SH3D19: variants seen among roughly 807,000 people sequenced by gnomAD.
SH3D19 encodes the protein SH3 domain containing 19.
Under a neutral mutation model 112.1 loss-of-function variants are expected in SH3D19, and 58 were observed. The observed-to-expected ratio is 0.52, with a 90% CI of 0.42 to 0.64. The LOEUF (loss-of-function observed/expected upper bound fraction) is 0.64. SH3D19 is among the 30% of genes least tolerant of loss of function. SH3D19 has a pLI of 0.00. For synonymous variants in SH3D19, 391 were observed against 448.5 expected (o/e 0.87, Z 1.62); for missense variants, 1,090 against 1,263.4 (o/e 0.86, Z 2.08).
At chr4:151,130,754 A>G (rs1306496532) in intron 17 of SH3D19, among the ~76,000 whole-genome samples, 1 of 152,210 alleles carries the variant, frequency 6.6e-6, no homozygotes, top group Non-Finnish European at 1.5e-5. Flanking sequence ...AGCCTGGCCA[A>G]GACGGTAAAA....
At chr4:151,212,025 C>A (rs746118541) in intron 2 of SH3D19, among the ~76,000 whole-genome samples, 5 of 152,228 alleles carry the variant, frequency 3.3e-5, no homozygotes, top group Non-Finnish European at 4.4e-5. Flanking sequence ...AAGGTGCCAT[C>A]TAGGACTTTC....
At chr4:151,261,701 T>G (rs1330409652) in intron 1 of SH3D19, among the ~76,000 whole-genome samples, 1 of 152,256 alleles carries the variant, frequency 6.6e-6, no homozygotes, top group Non-Finnish European at 1.5e-5. Context: ...ATATTTCTTC[T>G]GCTATAATCT....
Position 151,229,035 on chromosome 4 carries a change from AT to A in SH3D19, c.113-2950del, listed in dbSNP as rs34078148. On this transcript the variant is annotated intron_variant, in intron 1 of 19. Coordinates refer to ENST00000604030, the MANE Select transcript of SH3D19 (RefSeq NM_001378122.1). ...CATGCCACCACGCCTAGCTAATTAAATTTTTTTTTTTTTTTTTGTAGAGACA... is the reference window on the plus strand; with the variant it reads ...CATGCCACCACGCCTAGCTAATTAAATTTTTTTTTTTTTTTTGTAGAGACA... Among the ~76,000 whole-genome samples, 1,356 of 136,766 alleles carry A rather than the reference AT, an allele frequency of 9.9e-3. 11 individuals carry two copies. The highest frequency in any genetic ancestry group is 0.033 in the African/African-American group (1,235 of 36,988). 89.7% of individuals were successfully genotyped at this position (136,766 alleles called of 152,430 possible).
At chr4:151,197,766 A>G (rs1235630388) in intron 2 of SH3D19, among the ~76,000 whole-genome samples, 1 of 152,164 alleles carries the variant, frequency 6.6e-6, no homozygotes, top group Non-Finnish European at 1.5e-5. Flanking sequence ...ATAAGGGATA[A>G]TAGTGGTCAT....
At chr4:151,150,597 A>G (rs1318611373) in intron 9 of SH3D19, among the ~76,000 whole-genome samples, 1 of 151,986 alleles carries the variant, frequency 6.6e-6, no homozygotes, top group Non-Finnish European at 1.5e-5. Flanking sequence ...AGGTCCAAGA[A>G]AGCAGTGTGC....
At chr4:151,264,575 CAG>C (rs891910872) in intron 1 of SH3D19, among the ~76,000 whole-genome samples, 3 of 151,772 alleles carry the variant, frequency 2.0e-5, no homozygotes, top group African/African-American at 7.3e-5. Flanking sequence ...TCTTCACAAA[CAG>C]AGAGTACAGG....
At chr4:151,148,952 C>T (rs967043025) in intron 10 of SH3D19, among the ~76,000 whole-genome samples, 1 of 152,014 alleles carries the variant, frequency 6.6e-6, no homozygotes, top group Admixed American at 6.6e-5. Flanking sequence ...GCAGGAGAAT[C>T]GCTTGAACCC....
chr4:151,148,189 G>C lies in SH3D19; in HGVS notation c.1818-3C>G. The C allele has an allele frequency of 6.3e-7, 1 of 1,595,354 alleles. No homozygotes were observed. Among genetic ancestry groups the C allele is most frequent in the Non-Finnish European group, 8.5e-7 (1 of 1,173,284 alleles). On this transcript the variant is annotated splice_polypyrimidine_tract_variant and splice_region_variant and intron_variant, in intron 10 of 19. Coordinates refer to ENST00000604030, the MANE Select transcript of SH3D19 (RefSeq NM_001378122.1). ...GAATGGTTTTTCCATTCACAGGTCT[G>C]AAAGTCAATGTAGTAGCCATGAGTC...
intron 1 of SH3D19, among the ~76,000 whole-genome samples, chr4:151,272,102 G>C (rs975977778): frequency 6.6e-6 from 1 of 152,166 alleles, no homozygotes; most frequent in African/African-American, 2.4e-5. Flanking sequence ...CAGTGAAGCA[G>C]TAAAATGGCA....
chr4:151,187,772 C>A (rs1011010283), intron 2 of SH3D19, among the ~76,000 whole-genome samples: 11 of 152,096 alleles, frequency 7.2e-5, no homozygotes, highest in African/African-American at 2.7e-4. Flanking sequence ...CATTACATGG[C>A]GCTCAAAAGA....
rs1554037659 is a variant in SH3D19 at position 151,150,206 on chromosome 4, A to AATATAT, written c.1756-651_1756-646dup. On this transcript the variant is annotated intron_variant, in intron 9 of 19. Transcript: ENST00000604030. ...TCTCAAAAAAAAAAAAAAAAAAAAA[A>AATATAT]ATATATATATATATATATATATACA... 2.4e-3 allele frequency among the ~76,000 whole-genome samples: 109 copies of AATATAT among 46,156 alleles called. 1 individual carries two copies. Among genetic ancestry groups the AATATAT allele is most frequent in the African/African-American group, 4.1e-3 (57 of 13,966 alleles). The allele number at this position is 46,156 out of a possible 152,430, so 30.3% of individuals were successfully genotyped here. A position where few individuals can be genotyped will look rare whatever the true frequency, so the allele number is the denominator to read the frequency against.
chr4:151,235,029 C>T (rs1769929909), intron 1 of SH3D19, among the ~76,000 whole-genome samples: 2 of 152,124 alleles, frequency 1.3e-5, no homozygotes, highest in Non-Finnish European at 2.9e-5. Context: ...GGATTACAGG[C>T]ATGAGCCATC....
intron 2 of SH3D19, among the ~76,000 whole-genome samples, chr4:151,208,729 G>A (rs959620232): frequency 1.3e-5 from 2 of 149,254 alleles, no homozygotes; most frequent in Non-Finnish European, 3.0e-5. Context: ...CCAGGCTGGA[G>A]TGCAGTGGCA....
chr4:151,143,181 G>T (rs962659202), intron 12 of SH3D19, among the ~76,000 whole-genome samples: 2 of 150,210 alleles, frequency 1.3e-5, no homozygotes, highest in Admixed American at 1.3e-4. Flanking sequence ...AGGCTGTAGT[G>T]ATCATACCAC....
intron 1 of SH3D19, among the ~76,000 whole-genome samples, chr4:151,238,177 A>AT (rs1186745938): frequency 2.0e-5 from 3 of 152,194 alleles, no homozygotes; most frequent in Non-Finnish European, 2.9e-5. Context: ...CCTCACTGTC[A>AT]TTTTCTAAGA....
At chr4:151,145,630 A>C (rs1753794175) in intron 11 of SH3D19, among the ~76,000 whole-genome samples, 1 of 152,232 alleles carries the variant, frequency 6.6e-6, no homozygotes, top group Non-Finnish European at 1.5e-5. Context: ...TTGCTCTCAC[A>C]AAGCCTGTTT....
chr4:151,168,821 G>A (rs1489982748), intron 7 of SH3D19, among the ~76,000 whole-genome samples: 1 of 152,090 alleles, frequency 6.6e-6, no homozygotes, highest in Non-Finnish European at 1.5e-5. Flanking sequence ...CTTTTTGGGT[G>A]GGTGTGAAGG....
chr4:151,162,230 A>T (rs1287697681), intron 8 of SH3D19, among the ~76,000 whole-genome samples: 1 of 149,224 alleles, frequency 6.7e-6, no homozygotes, highest in African/African-American at 2.5e-5. Flanking sequence ...ACTCCCACTT[A>T]TGAGTGAGAA....
intron 10 of SH3D19, 51 bp from the exon 11 acceptor site, chr4:151,148,237 T>G (rs1400268403): frequency 2.6e-6 from 4 of 1,510,662 alleles, no homozygotes; most frequent in Non-Finnish European, 3.5e-6. Flanking sequence ...AGTATTAAAT[T>G]CTGTCCTGTC....
Sources: allele counts gnomAD v4.1 joint callset (sites outside exome capture counted in the v4.1 genomes callset), GRCh38; gene constraint gnomAD v4.1.1; transcripts MANE v1.5; gene names NCBI Gene and HGNC (gene_info 2026-07-23, HGNC 2026-07-21).